The following EYS variants were observed in gnomAD, a reference collection of about 807,000 sequenced individuals.
EYS encodes EGF-like photoreceptor maintenance factor, also known as protein eyes shut homolog.
EYS carries 250 observed loss-of-function variants against 282.1 expected under a neutral mutation model. The ratio of observed to expected loss-of-function variants is 0.89; its 90% CI spans 0.80 to 0.98. The LOEUF is 0.98. EYS is among the 50% of genes least tolerant of loss of function. EYS has a pLI of 0.00. For synonymous variants in EYS, 1,355 were observed against 1,282.9 expected, an observed-to-expected ratio of 1.06 and a Z score of -1.20; for missense variants, 4,016 against 3,709.0, an observed-to-expected ratio of 1.08 and a Z score of -2.15.
chr6:64,372,132 T>G (rs916513236), intron 29 of EYS, among the ~76,000 whole-genome samples: 21 of 15,300 alleles, frequency 1.4e-3, no homozygotes, highest in South Asian at 5.7e-3. Flanking sequence ...ATACTTGTGT[T>G]TTTTTTTTTT....
At chr6:64,123,316 A>G (rs1170039944) in intron 31 of EYS, among the ~76,000 whole-genome samples, 1 of 152,226 alleles carries the variant, frequency 6.6e-6, no homozygotes, top group Non-Finnish European at 1.5e-5. Context: ...ATACTATGTT[A>G]TCTCTCATTT....
chr6:65,491,491 GT>G (rs1274054407), intron 4 of EYS: 6 of 348,628 alleles, frequency 1.7e-5, no homozygotes, highest in Non-Finnish European at 2.9e-5. Flanking sequence ...TTTATGAGCA[GT>G]TTTTGCCATT....
intron 12 of EYS, among the ~76,000 whole-genome samples, chr6:65,172,449 G>A (rs1765126086): frequency 6.6e-6 from 1 of 151,204 alleles, no homozygotes; most frequent in Non-Finnish European, 1.5e-5. Flanking sequence ...CTATGATATT[G>A]GCCATTCTGC....
intron 35 of EYS, among the ~76,000 whole-genome samples, chr6:63,973,313 T>C (rs895631540): frequency 3.9e-5 from 6 of 152,178 alleles, no homozygotes; most frequent in Non-Finnish European, 8.8e-5. Flanking sequence ...CCTGTTATGA[T>C]GAGCTTTTTT....
At chr6:64,537,798 T>C (rs955833023) in intron 26 of EYS, among the ~76,000 whole-genome samples, 1 of 152,228 alleles carries the variant, frequency 6.6e-6, no homozygotes, top group Non-Finnish European at 1.5e-5. Flanking sequence ...CTTATTCTTT[T>C]GTTCTTGACT....
chr6:64,545,788 A>G (rs1168448140), intron 26 of EYS, among the ~76,000 whole-genome samples: 2 of 152,184 alleles, frequency 1.3e-5, no homozygotes, highest in East Asian at 1.9e-4. Flanking sequence ...CAAAGAGAAT[A>G]AAATACCTGG....
chr6:64,538,948 C>G (rs1404172440), intron 26 of EYS, among the ~76,000 whole-genome samples: 1 of 152,210 alleles, frequency 6.6e-6, no homozygotes, highest in Non-Finnish European at 1.5e-5. Flanking sequence ...CTCATCCCCG[C>G]TGAGCCCAGA....
intron 35 of EYS, among the ~76,000 whole-genome samples, chr6:63,880,110 T>C (rs939687864): frequency 3.3e-5 from 5 of 152,162 alleles, no homozygotes; most frequent in African/African-American, 1.2e-4. Context: ...GTCAACTTGA[T>C]TGGATTGAAG....
At chr6:65,471,682 T>C (rs946828997) in intron 5 of EYS, among the ~76,000 whole-genome samples, 20 of 152,154 alleles carry the variant, frequency 1.3e-4, no homozygotes, top group Admixed American at 1.2e-3. Context: ...ATAAATGATA[T>C]GGAAAATACT....
At chr6:64,157,287 C>G (rs557936106) in intron 31 of EYS, among the ~76,000 whole-genome samples, 2 of 152,040 alleles carry the variant, frequency 1.3e-5, no homozygotes, top group Non-Finnish European at 2.9e-5. Context: ...TTAATCCAGT[C>G]TATCATTGTT....
Position 65,494,943 on chromosome 6 carries a change from T to G in EYS, c.468A>C (p.Pro156=), listed in dbSNP as rs774175104. 3 of 1,614,176 alleles carry G rather than the reference T, an allele frequency of 1.9e-6. No individual in the cohort carries two copies. The highest frequency in any genetic ancestry group is 2.5e-6 in the Non-Finnish European group (3 of 1,180,022). The change falls in exon 4 of 43, where the codon CCA becomes CCC. Residue 156 remains proline, a synonymous_variant. Coordinates refer to ENST00000503581, the MANE Select transcript of EYS (RefSeq NM_001142800.2). ...HYFITVMASG[P]SPCPLGLRLN... The stretch of plus-strand genomic sequence containing the variant: ...GTCGAAGTCCCAGTGGACAAGGTGA[T>G]GGACCACTTGCCATAACTGTGATAA...
At chr6:65,402,673 T>G in intron 6 of EYS, 68 bp from the exon 7 acceptor site, 1 of 1,054,856 alleles carries the variant, frequency 9.5e-7, no homozygotes, top group Non-Finnish European at 1.4e-6. Flanking sequence ...AATGGGTTCT[T>G]ACCTGGAGAA....
At chr6:64,633,377 T>C (rs559782362) in intron 22 of EYS, among the ~76,000 whole-genome samples, 1 of 152,180 alleles carries the variant, frequency 6.6e-6, no homozygotes, top group Non-Finnish European at 1.5e-5. Flanking sequence ...CATTGCTTTA[T>C]ATATTGATAT....
intron 34 of EYS, among the ~76,000 whole-genome samples, chr6:63,991,312 C>A (rs1384729713): frequency 6.6e-6 from 1 of 151,398 alleles, no homozygotes; most frequent in Admixed American, 6.6e-5. Flanking sequence ...GATTCCACCA[C>A]AAAGTTAGAA....
Position 64,388,736 on chromosome 6 carries a change from C to A in EYS, c.6032G>T (p.Gly2011Val). 2 of 1,544,176 alleles carry A rather than the reference C, an allele frequency of 1.3e-6. No individual in the cohort carries two copies. Among genetic ancestry groups the A allele is most frequent in the South Asian group, 1.2e-5 (1 of 82,372 alleles). ...TGGAAATCCACCAATGAAGACAGAT[C>A]CTGATTTTGGCAGGGGTTTTCCGAG... ...HVLGKPLPKS[G>V]SVFIGGFPDL... The change falls in exon 29 of 43, where the codon GGA (glycine) becomes GTA (valine). Residue 2011 changes from glycine to valine, a missense_variant. Gly to Val is a moderately radical substitution (Grantham distance 109). Transcript: ENST00000503581.
chr6:65,156,168 G>A (rs1346875638), intron 12 of EYS, among the ~76,000 whole-genome samples: 1 of 151,228 alleles, frequency 6.6e-6, no homozygotes, highest in Non-Finnish European at 1.5e-5. Context: ...GATTGCATAA[G>A]AGGAGGAGAA....
chr6:64,450,962 G>C (rs1288874725), intron 26 of EYS, among the ~76,000 whole-genome samples: 1 of 152,058 alleles, frequency 6.6e-6, no homozygotes, highest in Non-Finnish European at 1.5e-5. Flanking sequence ...AGAAGCAAGA[G>C]CAAACACATT....
intron 26 of EYS, among the ~76,000 whole-genome samples, chr6:64,440,389 A>T (rs1276565683): frequency 1.3e-5 from 2 of 151,950 alleles, no homozygotes; most frequent in Admixed American, 6.6e-5. Flanking sequence ...CCTCAAATTA[A>T]TTTTTTTCAC....
At chr6:65,132,688 C>T (rs1339987735) in intron 12 of EYS, among the ~76,000 whole-genome samples, 1 of 151,896 alleles carries the variant, frequency 6.6e-6, no homozygotes, top group African/African-American at 2.4e-5. Flanking sequence ...CTATTAACAA[C>T]ATAGTATTGG....
Sources: gnomAD v4.1 joint callset for allele counts (sites outside exome capture counted in the v4.1 genomes callset) on GRCh38, gnomAD v4.1.1 for gene constraint, MANE v1.5 for transcripts, NCBI Gene and HGNC (gene_info 2026-07-23, HGNC 2026-07-21) for gene names.